DPP10: variants seen among roughly 807,000 people sequenced by gnomAD.
DPP10 encodes dipeptidyl peptidase like 10, also known as inactive dipeptidyl peptidase 10.
DPP10 carries 33 observed loss-of-function variants against 120.9 expected under a neutral mutation model. The ratio of observed to expected loss-of-function variants is 0.27; its 90% CI spans 0.21 to 0.37. The LOEUF (loss-of-function observed/expected upper bound fraction) is 0.37. Among genes scored for constraint, DPP10 ranks in the 10% least tolerant of loss-of-function variants. DPP10 has a pLI of 1.00. For synonymous variants in DPP10, 337 were observed against 326.1 expected (o/e 1.03, Z -0.36); for missense variants, 816 against 942.8 (o/e 0.87, Z 1.76).
chr2:115,330,575 A>G (rs1351235716), intron 2 of DPP10, among the ~76,000 whole-genome samples: 4 of 152,068 alleles, frequency 2.6e-5, no homozygotes, highest in Non-Finnish European at 4.4e-5. Flanking sequence ...TAACTCTAAC[A>G]TTTAAGTCTT....
intron 5 of DPP10, among the ~76,000 whole-genome samples, chr2:115,613,923 G>C (rs1300948780): frequency 6.6e-6 from 1 of 152,160 alleles, no homozygotes; most frequent in African/African-American, 2.4e-5. Context: ...ATACTTAACT[G>C]AGAGTGACTC....
intron 1 of DPP10, among the ~76,000 whole-genome samples, chr2:114,716,343 A>G (rs1701345495): frequency 6.6e-6 from 1 of 152,216 alleles, no homozygotes; most frequent in Non-Finnish European, 1.5e-5. Flanking sequence ...ACACTATTCC[A>G]TGTGAAGACG....
At chr2:115,100,129 A>G (rs1439936269) in intron 1 of DPP10, among the ~76,000 whole-genome samples, 5 of 152,136 alleles carry the variant, frequency 3.3e-5, no homozygotes, top group Non-Finnish European at 5.9e-5. Flanking sequence ...TGAAAAGATG[A>G]TGTCATATGG....
rs35479026 is a variant in DPP10, at chr2:114,455,729, GT to G, written c.60+12906del. Among the ~76,000 whole-genome samples the G allele has an allele frequency of 5.7e-4, 83 of 144,662 alleles. 1 individual carries two copies. The highest frequency in any genetic ancestry group is 1.4e-3 in the East Asian group (7 of 4,944). The allele number at this position is 144,662 out of a possible 152,430, so 94.9% of individuals were successfully genotyped here. On this transcript the variant is annotated intron_variant, in intron 1 of 25. Transcript: ENST00000410059. ...AAGTCTCATACCCACAAATTCATTT[GT>G]TTTTTTTTTTTTTTACCATTTTCAT...
chr2:114,873,541 G>C (rs187341652), intron 1 of DPP10, among the ~76,000 whole-genome samples: 1 of 152,104 alleles, frequency 6.6e-6, no homozygotes, highest in Non-Finnish European at 1.5e-5. Flanking sequence ...TGGTCATATC[G>C]TGTCGGTGCG....
At chr2:115,528,391 CA>C (rs997308568) in intron 5 of DPP10, among the ~76,000 whole-genome samples, 5 of 148,392 alleles carry the variant, frequency 3.4e-5, no homozygotes, top group Admixed American at 1.3e-4. Flanking sequence ...AAATAAAAAC[CA>C]AAAAAAAGAA....
intron 1 of DPP10, among the ~76,000 whole-genome samples, chr2:114,450,727 T>TAAAA (rs535824596): frequency 9.8e-5 from 13 of 132,816 alleles, no homozygotes; most frequent in Admixed American, 5.2e-4. Flanking sequence ...CTTCTGTAAG[T>TAAAA]AAAAAAAAAA....
At chr2:115,629,230 G>A (rs1436522774) in intron 5 of DPP10, among the ~76,000 whole-genome samples, 1 of 152,162 alleles carries the variant, frequency 6.6e-6, no homozygotes, top group African/African-American at 2.4e-5. Context: ...GGACATTTGG[G>A]TTGGTTCCAA....
chr2:115,132,226 T>C (rs933420302), intron 1 of DPP10, among the ~76,000 whole-genome samples: 1 of 152,196 alleles, frequency 6.6e-6, no homozygotes, highest in Non-Finnish European at 1.5e-5. Context: ...GGTGTTGTGA[T>C]GACCAAGGTT....
chr2:115,341,412 G>T (rs1021279363), intron 2 of DPP10, among the ~76,000 whole-genome samples: 3 of 151,818 alleles, frequency 2.0e-5, no homozygotes, highest in Non-Finnish European at 4.4e-5. Context: ...TCAACATCCC[G>T]CACCAGAGTG....
intron 1 of DPP10, among the ~76,000 whole-genome samples, chr2:114,994,189 T>C (rs1182033031): frequency 6.6e-6 from 1 of 152,204 alleles, no homozygotes; most frequent in East Asian, 1.9e-4. Context: ...TTAGCATATA[T>C]GTATAAAATA....
chr2:115,092,534 G>C (rs995304564), intron 1 of DPP10, among the ~76,000 whole-genome samples: 1 of 152,008 alleles, frequency 6.6e-6, no homozygotes, highest in African/African-American at 2.4e-5. Context: ...ATCTCCTACT[G>C]TATCTGGTAA....
At chr2:115,240,779 A>G (rs1484992303) in intron 1 of DPP10, among the ~76,000 whole-genome samples, 3 of 152,188 alleles carry the variant, frequency 2.0e-5, no homozygotes, top group South Asian at 4.1e-4. Context: ...TATACACTCA[A>G]TTTTCACAAC....
At chr2:115,081,965 G>GA (rs1179778947) in intron 1 of DPP10, among the ~76,000 whole-genome samples, 2 of 152,126 alleles carry the variant, frequency 1.3e-5, no homozygotes, top group Non-Finnish European at 2.9e-5. Context: ...TACCTTCAGG[G>GA]AAAAATCCGC....
chr2:114,771,564 G>A (rs1681252391), intron 1 of DPP10, among the ~76,000 whole-genome samples: 1 of 152,208 alleles, frequency 6.6e-6, no homozygotes, highest in South Asian at 2.1e-4. Flanking sequence ...CGATTGTTTG[G>A]ATACCAAGAA....
intron 1 of DPP10, among the ~76,000 whole-genome samples, chr2:115,133,928 T>C (rs2050514096): frequency 6.6e-6 from 1 of 152,198 alleles, no homozygotes; most frequent in Admixed American, 6.5e-5. Context: ...GCTGTGCTAT[T>C]AAGGAACACT....
chr2:114,993,907 C>T (rs1430514352), intron 1 of DPP10, among the ~76,000 whole-genome samples: 1 of 152,048 alleles, frequency 6.6e-6, no homozygotes, highest in African/African-American at 2.4e-5. Context: ...GAATCACCAG[C>T]CTCACTATTT....
At chr2:115,056,177 A>T (rs1705890526) in intron 1 of DPP10, among the ~76,000 whole-genome samples, 1 of 152,166 alleles carries the variant, frequency 6.6e-6, no homozygotes, top group Non-Finnish European at 1.5e-5. Context: ...CTTAAACAAC[A>T]TCCGGGGGTT....
chr2:114,546,335 A>C (rs566021382), intron 1 of DPP10, among the ~76,000 whole-genome samples: 2 of 152,256 alleles, frequency 1.3e-5, no homozygotes, highest in South Asian at 4.1e-4. Flanking sequence ...GGTACCACAC[A>C]GTTTTAAATG....
Sources: gnomAD v4.1 joint callset for allele counts (sites outside exome capture counted in the v4.1 genomes callset) on GRCh38, gnomAD v4.1.1 for gene constraint, MANE v1.5 for transcripts, NCBI Gene and HGNC (gene_info 2026-07-23, HGNC 2026-07-21) for gene names.